FAM228B: variants seen among roughly 807,000 people sequenced by gnomAD.
The protein encoded by FAM228B is protein FAM228B.
A neutral mutation model predicts 42.6 loss-of-function variants in FAM228B; 38 were observed. That is an observed-to-expected ratio of 0.89 (90% CI 0.69 to 1.17). The LOEUF is 1.17. Ranked by LOEUF, FAM228B falls within the 50% of genes most tolerant of loss-of-function variation. FAM228B has a pLI of 0.00. For missense variants in FAM228B, 344 were observed against 367.3 expected, an observed-to-expected ratio of 0.94 and a Z score of 0.52; for synonymous variants, 109 against 122.3, an observed-to-expected ratio of 0.89 and a Z score of 0.72.
At chr2:24,123,408 G>A, upstream of FAM228B, 1 of 152,202 alleles carries the variant, frequency 6.6e-6, no homozygotes, top group African/African-American at 2.4e-5. Context: ...GCCACCTAGA[G>A]CCGCCGCCCA....
chr2:24,101,601 T>C (rs889357149), intron 3 of FAM228B, among the ~76,000 whole-genome samples: 2 of 152,182 alleles, frequency 1.3e-5, no homozygotes, highest in African/African-American at 4.8e-5. Context: ...AACATTTATA[T>C]ATGTGGATGA....
intron 7 of FAM228B, 78 bp from the exon 8 acceptor site, chr2:24,161,428 A>T: frequency 1.2e-6 from 1 of 853,718 alleles, no homozygotes; most frequent in Non-Finnish European, 1.9e-6. Flanking sequence ...CCACAGCCTG[A>T]GCAACAGAGA....
chr2:24,094,028 A>C (rs77583769), intron 2 of FAM228B, among the ~76,000 whole-genome samples: 28 of 107,552 alleles, frequency 2.6e-4, no homozygotes, highest in African/African-American at 8.1e-4. Flanking sequence ...ATCGCCACAT[A>C]CTTTTTTTTT....
In FAM228B at chr2:24,146,836, G is replaced by T. The variant is rs1398680248; in HGVS notation, c.529+1G>T. 2 of 1,543,902 alleles carry T rather than the reference G, an allele frequency of 1.3e-6. No individual in the cohort carries two copies. Among genetic ancestry groups the T allele is most frequent in the Non-Finnish European group, 1.8e-6 (2 of 1,140,188 alleles). On this transcript the variant is annotated splice_donor_variant, in intron 6 of 10. Coordinates refer to ENST00000615575, the MANE Select transcript of FAM228B (RefSeq NM_001145710.2). LOFTEE classifies it high-confidence loss of function. Reference sequence around the variant, plus strand: ...AGAACTCTTCTTCAGTGTGAGACTGGTACTTAGTTCCTAATTGTTATGTGA... The same window carrying T: ...AGAACTCTTCTTCAGTGTGAGACTGTTACTTAGTTCCTAATTGTTATGTGA...
At chr2:24,116,404 C>G (rs1251306686) in intron 3 of FAM228B, among the ~76,000 whole-genome samples, 2 of 152,144 alleles carry the variant, frequency 1.3e-5, no homozygotes, top group Non-Finnish European at 2.9e-5. Flanking sequence ...GTTGCCCACA[C>G]TGGGCTCAAA....
At chr2:24,081,405 C>A (rs1558360100) in intron 2 of FAM228B, among the ~76,000 whole-genome samples, 1 of 151,868 alleles carries the variant, frequency 6.6e-6, no homozygotes, top group Non-Finnish European at 1.5e-5. Context: ...AACTACCATT[C>A]CCATGGTCAC....
At chr2:24,136,707 G>A (rs1009175015) in intron 3 of FAM228B, among the ~76,000 whole-genome samples, 2 of 152,230 alleles carry the variant, frequency 1.3e-5, no homozygotes, top group South Asian at 4.2e-4. Flanking sequence ...CTCCCACTTT[G>A]GGAGTCTTGG....
intron 2 of FAM228B, among the ~76,000 whole-genome samples, chr2:24,093,770 C>G (rs1665439794): frequency 6.6e-6 from 1 of 151,902 alleles, no homozygotes; most frequent in South Asian, 2.1e-4. Context: ...GGGCCCACCA[C>G]CTAGCCTGGC....
chr2:24,091,474 C>T (rs910662381), intron 2 of FAM228B, among the ~76,000 whole-genome samples: 6 of 152,098 alleles, frequency 3.9e-5, no homozygotes, highest in Admixed American at 1.3e-4. Flanking sequence ...CAAAAAACCA[C>T]AAGAGATGCT....
upstream of FAM228B, chr2:24,122,683 G>A (rs1349359733): frequency 1.7e-6 from 1 of 595,454 alleles, no homozygotes; most frequent in Non-Finnish European, 3.0e-6. Context: ...GGTGAAAACG[G>A]TGGTCCATCA....
chr2:24,138,620 C>G (rs1007245088), intron 4 of FAM228B, among the ~76,000 whole-genome samples: 3 of 150,264 alleles, frequency 2.0e-5, no homozygotes, highest in Admixed American at 6.6e-5. Context: ...CAGGTGTGAG[C>G]TACTGTGCCC....
upstream of FAM228B, among the ~76,000 whole-genome samples, chr2:24,120,676 C>A (rs1255584491): frequency 2.0e-5 from 3 of 151,994 alleles, no homozygotes; most frequent in African/African-American, 7.3e-5. Context: ...CTGCCTCAGC[C>A]TCCCAAGTAG....
chr2:24,129,610 G>T (rs371817878), intron 2 of FAM228B, among the ~76,000 whole-genome samples: 121 of 151,724 alleles, frequency 8.0e-4, no homozygotes, highest in African/African-American at 2.8e-3. Flanking sequence ...TCTCTAATCT[G>T]CTACTAACCC....
In FAM228B at chr2:24,139,364, C is replaced by T; in HGVS notation, c.361-6C>T. 1 of 1,512,376 alleles carries T rather than the reference C, an allele frequency of 6.6e-7. No homozygotes were observed. The highest frequency in any genetic ancestry group is 9.0e-7 in the Non-Finnish European group (1 of 1,114,862). The allele number at this position is 1,512,376 out of a possible 1,614,324, so 93.7% of individuals were successfully genotyped here. A position where few individuals can be genotyped will look rare whatever the true frequency, so the allele number is the denominator to read the frequency against. On this transcript the variant is annotated splice_polypyrimidine_tract_variant and splice_region_variant and intron_variant, in intron 4 of 10. Coordinates refer to ENST00000615575, the MANE Select transcript of FAM228B (RefSeq NM_001145710.2). ...TCTTGTGTATCGTTTTATTTCCTTGCTATAGGGAAATGCATTTATAGAACA... is the reference window on the plus strand; with the variant it reads ...TCTTGTGTATCGTTTTATTTCCTTGTTATAGGGAAATGCATTTATAGAACA...
chr2:24,115,457 C>G, intron 3 of FAM228B: 1 of 770,052 alleles, frequency 1.3e-6, no homozygotes, highest in Non-Finnish European at 2.1e-6. Flanking sequence ...AAAATTGCTC[C>G]CTTAATTCAT....
In FAM228B at chr2:24,080,811, T is replaced by C; in HGVS notation, c.-289-65T>C. 6.2e-7 allele frequency: 1 copy of C among 1,614,066 alleles called. No individual in the cohort carries two copies. Among genetic ancestry groups the C allele is most frequent in the Non-Finnish European group, 8.5e-7 (1 of 1,179,952 alleles). The stretch of plus-strand genomic sequence containing the variant: ...AATTCCTGCTGAACTGTAGAAGCAG[T>C]TGTTTACCTTTGGTGAATTTCAGCG... On this transcript the variant is annotated intron_variant, in intron 1 of 10. Coordinates refer to the FAM228B transcript ENST00000613899. The surrounding 1 kb of genome is among the most constrained non-coding windows in gnomAD (Gnocchi z 4.7).
Position 24,161,599 on chromosome 2 carries a change from AAC to A in FAM228B, c.782_783del (p.Thr261SerfsTer23). The A allele has an allele frequency of 6.5e-7, 1 of 1,536,156 alleles. No homozygotes were observed. Among genetic ancestry groups the A allele is most frequent in the Non-Finnish European group, 8.8e-7 (1 of 1,132,822 alleles). ...TTTTGGAATCCCAGGAAGAAGAAAA[AAC>A]AGTTATTTACAAGTAAGTCTGTTCT... The part of the protein sequence containing the change: ...YLLESQEEEK[T>X]VIYKNKGSSF... On this transcript the variant is annotated frameshift_variant, in exon 8 of 11. Transcript: ENST00000615575. LOFTEE classifies it high-confidence loss of function.
chr2:24,124,408 A>G lies in FAM228B; in HGVS notation c.47A>G (p.Lys16Arg). ...SDDLVTGTLP[K>R]LKSSKEWLEP... ...GATCTGGTAACTGGCACACTTCCCA[A>G]GCTCAAGAGCTCAAAAGAATGGTTG... is the stretch of plus-strand genomic sequence containing the variant. Residue 16 changes from lysine (K) to arginine (R), a missense_variant, in exon 2 of 11, where the codon AAG becomes AGG. Lys to Arg is a conservative substitution (Grantham distance 26). Transcript: ENST00000615575. 1 of 1,552,064 alleles carries G rather than the reference A, an allele frequency of 6.4e-7. No individual in the cohort carries two copies. The highest frequency in any genetic ancestry group is 8.7e-7 in the Non-Finnish European group (1 of 1,147,064).
intron 10 of FAM228B, 76 bp downstream of exon 10, chr2:24,167,759 C>T: frequency 4.7e-6 from 7 of 1,486,562 alleles, no homozygotes; most frequent in South Asian, 1.2e-5. Flanking sequence ...TTTCTGATAT[C>T]TTCAGAGTCC....
Sources: allele counts gnomAD v4.1 joint callset (sites outside exome capture counted in the v4.1 genomes callset), GRCh38; gene constraint gnomAD v4.1.1; non-coding constraint Gnocchi (gnomAD v3.1); transcripts MANE v1.5; gene names NCBI Gene and HGNC (gene_info 2026-07-23, HGNC 2026-07-21).